FAM227A: variants seen among roughly 807,000 people sequenced by gnomAD.
FAM227A encodes protein FAM227A.
In FAM227A, 80 loss-of-function variants were observed where a neutral mutation model predicts 74.7. That is an observed-to-expected ratio of 1.07 (90% CI 0.89 to 1.29). The LOEUF (loss-of-function observed/expected upper bound fraction) is 1.29. Ranked by LOEUF, FAM227A falls within the 50% of genes most tolerant of loss-of-function variation. FAM227A has a pLI of 0.00. For missense variants in FAM227A, 654 were observed against 683.4 expected, an observed-to-expected ratio of 0.96 and a Z score of 0.48; for synonymous variants, 237 against 241.8, an observed-to-expected ratio of 0.98 and a Z score of 0.19.
At chr22:38,594,748 G>A (rs543036964) in intron 15 of FAM227A, among the ~76,000 whole-genome samples, 1 of 152,168 alleles carries the variant, frequency 6.6e-6, no homozygotes, top group Admixed American at 6.6e-5. Flanking sequence ...AGATCATGAG[G>A]TCAAGAGGTC....
Position 38,636,515 on chromosome 22 carries a change from C to A in FAM227A, c.455G>T (p.Gly152Val). 3 of 1,551,676 alleles carry A rather than the reference C, an allele frequency of 1.9e-6. No individual in the cohort carries two copies. Among genetic ancestry groups the A allele is most frequent in the Non-Finnish European group, 2.6e-6 (3 of 1,146,986 alleles). Reference sequence around the variant, plus strand: ...GCCCACCATGTCACAGAAGTCCACGCCATTCGGAAGCTTGTTTGGCTTGGA... The same window carrying A: ...GCCCACCATGTCACAGAAGTCCACGACATTCGGAAGCTTGTTTGGCTTGGA... ...NSSKPNKLPN[G>V]VDFCDMVGNV... The change falls in exon 6 of 17, where the codon GGC becomes GTC. Residue 152 changes from glycine (G) to valine (V), a missense_variant. Gly to Val is a moderately radical substitution (Grantham distance 109, BLOSUM62 -3). Coordinates refer to ENST00000535113, the MANE Select transcript of FAM227A (RefSeq NM_001013647.2).
intron 11 of FAM227A, among the ~76,000 whole-genome samples, chr22:38,613,202 TTA>T (rs1193387325): frequency 1.1e-4 from 8 of 75,850 alleles, no homozygotes; most frequent in East Asian, 3.7e-4. Flanking sequence ...ATATATTATA[TTA>T]TATATATCTA....
At chr22:38,600,137 T>A (rs2091140491) in intron 13 of FAM227A, among the ~76,000 whole-genome samples, 1 of 152,006 alleles carries the variant, frequency 6.6e-6, no homozygotes, top group African/African-American at 2.4e-5. Flanking sequence ...AATATGAGAA[T>A]AACTTAAATG....
At chr22:38,636,664 T>G in intron 5 of FAM227A, 67 bp from the exon 6 acceptor site, 90 of 1,310,894 alleles carry the variant, frequency 6.9e-5, no homozygotes, top group Non-Finnish European at 8.7e-5. Flanking sequence ...ATAGGCTAGC[T>G]TCCCCTCTTT....
At chr22:38,639,497 C>T in intron 4 of FAM227A, 158 bp downstream of exon 4, 1 of 748,966 alleles carries the variant, frequency 1.3e-6, no homozygotes, top group Non-Finnish European at 2.3e-6. Context: ...CCCCTCCCTC[C>T]TTCCTTGCCC....
At chr22:38,607,517 A>C (rs1372443253) in intron 11 of FAM227A, 41 bp from the exon 12 acceptor site, 1 of 1,325,610 alleles carries the variant, frequency 7.5e-7, no homozygotes, top group South Asian at 1.3e-5. Context: ...AGAAAGCGAG[A>C]GAGAGAGAAC....
chr22:38,623,157 T>C lies in FAM227A; in HGVS notation c.958+15A>G. On this transcript the variant is annotated intron_variant, in intron 10 of 16. Transcript: ENST00000535113. ...CAGTGGCAAAGAAGGCGGGAGGCTG[T>C]ACCTGCTATCTTACCCTTTGTCAGT... 6.5e-7 allele frequency: 1 copy of C among 1,526,810 alleles called. No homozygotes were observed. The highest frequency in any genetic ancestry group is 8.9e-7 in the Non-Finnish European group (1 of 1,124,320). The allele number at this position is 1,526,810 out of a possible 1,614,324, so 94.6% of individuals were successfully genotyped here.
rs2090698978 is a variant in FAM227A at position 38,580,646 on chromosome 22, TC to T, written c.*5478del. On this transcript the variant is annotated 3_prime_UTR_variant, in exon 17 of 17. Coordinates refer to ENST00000535113, the MANE Select transcript of FAM227A (RefSeq NM_001013647.2). The stretch of plus-strand genomic sequence containing the variant: ...GGTGGATTGTTTCTAAAGACAAGTT[TC>T]TGTTCCACTACTATTTGGTTACCTG... The T allele has an allele frequency of 1.3e-5, 2 of 152,246 alleles. No individual in the cohort carries two copies. Among genetic ancestry groups the T allele is most frequent in the South Asian group, 2.1e-4 (1 of 4,838 alleles). 9.4% of individuals were successfully genotyped at this position (152,246 alleles called of 1,614,324 possible).
chr22:38,610,384 T>C (rs1282893251), intron 11 of FAM227A, among the ~76,000 whole-genome samples: 3 of 152,110 alleles, frequency 2.0e-5, no homozygotes, highest in East Asian at 1.9e-4. Context: ...CAGAGAACAA[T>C]GCGGGGGTAT....
In FAM227A at chr22:38,636,690, T is replaced by C. The variant is rs557940767; in HGVS notation, c.373-93A>G. On this transcript the variant is annotated intron_variant, in intron 5 of 16. Transcript: ENST00000535113. ...TCCCCTCTTTATTATGAAGACAATATAACAACCTTATAGAATGTTGAGAAA... is the reference window on the plus strand; with the variant it reads ...TCCCCTCTTTATTATGAAGACAATACAACAACCTTATAGAATGTTGAGAAA... The C allele has an allele frequency of 7.8e-6, 9 of 1,159,496 alleles. No homozygotes were observed. The South Asian group carries it at 1.1e-4, about 14-fold the overall frequency. 71.8% of individuals were successfully genotyped at this position (1,159,496 alleles called of 1,614,324 possible).
chr22:38,641,957 G>A lies in FAM227A; in HGVS notation c.226-2233C>T, dbSNP rs967434254. 3.8e-3 allele frequency among the ~76,000 whole-genome samples: 545 copies of A among 142,190 alleles called. 1 individual carries two copies. Among genetic ancestry groups the A allele is most frequent in the African/African-American group, 0.014 (529 of 36,770 alleles). 93.3% of individuals were successfully genotyped at this position (142,190 alleles called of 152,430 possible). On this transcript the variant is annotated intron_variant, in intron 3 of 16. Coordinates refer to ENST00000535113, the MANE Select transcript of FAM227A (RefSeq NM_001013647.2). ...TCCTGCCTCCCGAAAAGGTGTGTGT[G>A]TGTGTGTGTGTGTGTGTGCGCACGT...
chr22:38,625,952 A>G (rs1014957242), intron 9 of FAM227A, among the ~76,000 whole-genome samples: 3 of 151,866 alleles, frequency 2.0e-5, no homozygotes, highest in African/African-American at 7.3e-5. Flanking sequence ...CCAAAAAAAA[A>G]AAAAAAAAAA....
At chr22:38,595,543 C>T (rs2091025594) in intron 15 of FAM227A, among the ~76,000 whole-genome samples, 3 of 152,186 alleles carry the variant, frequency 2.0e-5, no homozygotes, top group African/African-American at 7.2e-5. Context: ...AGGCAAAGAC[C>T]ACTGATGAGT....
intron 14 of FAM227A, among the ~76,000 whole-genome samples, chr22:38,597,572 G>A (rs909170398): frequency 2.6e-5 from 4 of 152,114 alleles, no homozygotes; most frequent in African/African-American, 9.7e-5. Flanking sequence ...CATCCTATCC[G>A]TGGCCAGGCG....
In FAM227A at chr22:38,631,934, C is replaced by T. The variant is rs528666114; in HGVS notation, c.520-2999G>A. Among the ~76,000 whole-genome samples, 3 of 152,164 alleles carry T rather than the reference C, an allele frequency of 2.0e-5. No individual in the cohort carries two copies. The South Asian group carries it at 6.2e-4, about 32-fold the overall frequency. ...GTAACCCAGACAGGAAGTTGTGGTG[C>T]CTGAACTTGACAGTGGCCAGTGGGA... On this transcript the variant is annotated intron_variant, in intron 6 of 16. Transcript: ENST00000535113.
chr22:38,645,592 G>A lies in FAM227A; in HGVS notation c.196C>T (p.Leu66=), dbSNP rs1262304937. Residue 66 remains leucine, a synonymous_variant, in exon 3 of 17, where the codon CTG becomes TTG. Transcript: ENST00000535113. Reference sequence around the variant, plus strand: ...CTGTTGGCCGACGGCTCGGTACGCAGATTTATGTCAGCAATCTTTTGGTTC... The same window carrying A: ...CTGTTGGCCGACGGCTCGGTACGCAAATTTATGTCAGCAATCTTTTGGTTC... ...QVNQKIADIN[L]RTEPSANSLA... 1 of 1,551,448 alleles carries A rather than the reference G, an allele frequency of 6.4e-7. No homozygotes were observed. The highest frequency in any genetic ancestry group is 2.0e-5 in the Admixed American group (1 of 50,946).
intron 4 of FAM227A, 90 bp from the exon 5 acceptor site, chr22:38,638,912 T>C (rs2092056906): frequency 1.2e-6 from 1 of 802,836 alleles, no homozygotes; most frequent in Non-Finnish European, 1.9e-6. Context: ...TTCATTCCAC[T>C]TGAGCTGCCA....
chr22:38,632,972 G>T (rs2091941245), intron 6 of FAM227A, among the ~76,000 whole-genome samples: 1 of 152,212 alleles, frequency 6.6e-6, no homozygotes, highest in Admixed American at 6.5e-5. Flanking sequence ...GCTCCTCCAA[G>T]AAGTCCCAGG....
In FAM227A at chr22:38,597,219, T is replaced by C. The variant is rs1343761103; in HGVS notation, c.1517A>G (p.Gln506Arg). Residue 506 changes from glutamine (Q) to arginine (R), a missense_variant, in exon 15 of 17, where the codon CAA (glutamine) becomes CGA (arginine). Transcript: ENST00000535113. ...CCTTCCATACCTGGAGAAGTTGTCT[T>C]GCAGCTCCTTTAGATGCTTGTCAAA... is the stretch of plus-strand genomic sequence containing the variant. Reference protein sequence around the residue: ...NYFDKHLKELQDNFSREMKNI... With the variant: ...NYFDKHLKELRDNFSREMKNI... 5.2e-6 allele frequency: 8 copies of C among 1,552,344 alleles called. No homozygotes were observed. The highest frequency in any genetic ancestry group is 7.0e-6 in the Non-Finnish European group (8 of 1,147,114).
Sources: allele counts gnomAD v4.1 joint callset (sites outside exome capture counted in the v4.1 genomes callset), GRCh38; gene constraint gnomAD v4.1.1; transcripts MANE v1.5; gene names NCBI Gene and HGNC (gene_info 2026-07-23, HGNC 2026-07-21).